The following BCAR3 variants were observed in gnomAD, a reference collection of about 807,000 sequenced individuals.
The protein encoded by BCAR3 is breast cancer anti-estrogen resistance protein 3.
A neutral mutation model predicts 80.1 loss-of-function variants in BCAR3; 37 were observed. The observed-to-expected ratio is 0.46, with a 90% CI of 0.36 to 0.61. BCAR3 has a LOEUF of 0.61. Ranked by LOEUF, BCAR3 falls within the 20% of genes least tolerant of loss-of-function variation. BCAR3 has a pLI of 0.00. For synonymous variants in BCAR3, 389 were observed against 418.9 expected, an observed-to-expected ratio of 0.93 and a Z score of 0.87; for missense variants, 978 against 1,068.2, an observed-to-expected ratio of 0.92 and a Z score of 1.18.
chr1:93,583,957 A>G (rs1369062054), intron 6 of BCAR3, 61 bp downstream of exon 6: 2 of 1,516,542 alleles, frequency 1.3e-6, no homozygotes, highest in Non-Finnish European at 1.8e-6. Context: ...GGGGCAGGGT[A>G]ACAGCCTGAA....
At chr1:93,697,751 G>A (rs1299458460) in intron 3 of BCAR3, among the ~76,000 whole-genome samples, 1 of 152,084 alleles carries the variant, frequency 6.6e-6, no homozygotes, top group Non-Finnish European at 1.5e-5. Context: ...AGGCCGAGAC[G>A]ACGGATCACC....
chr1:93,738,763 G>A (rs1651077484), intron 2 of BCAR3, among the ~76,000 whole-genome samples: 1 of 152,214 alleles, frequency 6.6e-6, no homozygotes. Flanking sequence ...ACAGGGTGGG[G>A]CGGGGGGTGC....
At chr1:93,786,219 A>AAAAAAAG (rs1557688155) in intron 2 of BCAR3, among the ~76,000 whole-genome samples, 21 of 148,880 alleles carry the variant, frequency 1.4e-4, no homozygotes, top group East Asian at 9.7e-4. Flanking sequence ...AAAAAAAAAA[A>AAAAAAAG]GTGCCATGCA....
At chr1:93,660,053 CGTGTGT>C (rs76729025) in intron 2 of BCAR3, among the ~76,000 whole-genome samples, 11 of 147,324 alleles carry the variant, frequency 7.5e-5, no homozygotes, top group South Asian at 2.2e-4. Context: ...AATAAATGAA[CGTGTGT>C]GTGTGTGTGT....
chr1:93,591,430 G>C (rs1674182868), intron 4 of BCAR3, among the ~76,000 whole-genome samples: 1 of 152,074 alleles, frequency 6.6e-6, no homozygotes, highest in Admixed American at 6.5e-5. Context: ...AGCTGAGATT[G>C]TGCTATTGCA....
At chr1:93,597,774 A>G (rs1358984145) in intron 3 of BCAR3, among the ~76,000 whole-genome samples, 1 of 152,198 alleles carries the variant, frequency 6.6e-6, no homozygotes, top group Non-Finnish European at 1.5e-5. Flanking sequence ...GGAGGCAAGC[A>G]GTTAAGGAAA....
At chr1:93,759,849 T>C (rs1651875629) in intron 2 of BCAR3, among the ~76,000 whole-genome samples, 1 of 152,186 alleles carries the variant, frequency 6.6e-6, no homozygotes, top group Non-Finnish European at 1.5e-5. Context: ...GGTCCCACTG[T>C]CTACCATGGT....
intron 9 of BCAR3, among the ~76,000 whole-genome samples, chr1:93,569,904 C>G (rs1673138781): frequency 6.6e-6 from 1 of 152,236 alleles, no homozygotes. Flanking sequence ...GCTTTACCCA[C>G]AGCCTGGCCT....
chr1:93,845,502 A>ATATAT, intron 2 of BCAR3: 19 of 113,712 alleles, frequency 1.7e-4, no homozygotes, highest in African/African-American at 3.9e-4. Context: ...ATATATATAT[A>ATATAT]AAACTTTGTT....
chr1:93,715,896 G>T (rs533603371), intron 2 of BCAR3, among the ~76,000 whole-genome samples: 1 of 152,188 alleles, frequency 6.6e-6, no homozygotes, highest in Admixed American at 6.5e-5. Flanking sequence ...ACCTTAATGC[G>T]TTTGAGTAGC....
chr1:93,847,823 C>T (rs1272035517), upstream of BCAR3: 5 of 160,882 alleles, frequency 3.1e-5, no homozygotes, highest in South Asian at 4.2e-4. Context: ...GTCCCGAGCC[C>T]CTCAGCTCCC....
chr1:93,805,438 ATAGAT>A (rs1246053032), intron 2 of BCAR3, among the ~76,000 whole-genome samples: 1 of 152,370 alleles, frequency 6.6e-6, no homozygotes, highest in Admixed American at 6.5e-5. Flanking sequence ...CCTCGCTTGT[ATAGAT>A]TAGACAGGTG....
intron 1 of BCAR3, among the ~76,000 whole-genome samples, chr1:93,679,643 T>A (rs887140433): frequency 1.3e-5 from 2 of 152,214 alleles, no homozygotes; most frequent in Admixed American, 1.3e-4. Flanking sequence ...AATCTGAGAC[T>A]CATGTGAACA....
chr1:93,831,710 C>T (rs1034752171), intron 2 of BCAR3, among the ~76,000 whole-genome samples: 4 of 152,134 alleles, frequency 2.6e-5, no homozygotes, highest in African/African-American at 7.2e-5. Context: ...CAGGCTGCTC[C>T]TTGGCAGGCT....
At chr1:93,742,862 G>T (rs920553141) in intron 2 of BCAR3, among the ~76,000 whole-genome samples, 26 of 152,118 alleles carry the variant, frequency 1.7e-4, no homozygotes, top group African/African-American at 6.3e-4. Flanking sequence ...ACACAGAAAA[G>T]AAATCCTCTT....
At chr1:93,618,732 C>A (rs988469347) in intron 3 of BCAR3, among the ~76,000 whole-genome samples, 1 of 152,060 alleles carries the variant, frequency 6.6e-6, no homozygotes, top group African/African-American at 2.4e-5. Flanking sequence ...GGACATAATC[C>A]CAAGCTCTCA....
At chr1:93,681,365 G>T (rs1292681563) in intron 1 of BCAR3, 1 of 152,156 alleles carries the variant, frequency 6.6e-6, no homozygotes, top group Non-Finnish European at 1.5e-5. Context: ...GAGTCCCAGC[G>T]CGCTCGGAGG....
chr1:93,663,567 G>A (rs146250213), intron 2 of BCAR3, among the ~76,000 whole-genome samples: 2 of 152,340 alleles, frequency 1.3e-5, no homozygotes, highest in Non-Finnish European at 2.9e-5. Flanking sequence ...GGGCTATACC[G>A]TGGATGAGAA....
intron 2 of BCAR3, chr1:93,720,247 C>A (rs182148154): frequency 1.3e-5 from 2 of 152,230 alleles, no homozygotes; most frequent in Non-Finnish European, 2.9e-5. Context: ...TGTGGACGTG[C>A]AGCTTCCCCT....
Sources: gnomAD v4.1 joint callset for allele counts (sites outside exome capture counted in the v4.1 genomes callset) on GRCh38, gnomAD v4.1.1 for gene constraint, MANE v1.5 for transcripts, NCBI Gene and HGNC (gene_info 2026-07-23, HGNC 2026-07-21) for gene names.